AUH: variants seen among roughly 807,000 people sequenced by gnomAD.
AUH encodes the protein AU RNA binding methylglutaconyl-CoA hydratase.
A neutral mutation model predicts 42.3 loss-of-function variants in AUH; 29 were observed. The observed-to-expected ratio is 0.69, with a 90% CI of 0.51 to 0.93. The LOEUF is 0.93. Among genes scored for constraint, AUH ranks in the 40% least tolerant of loss-of-function variants. The pLI is 0.00. For synonymous variants in AUH, 174 were observed against 166.4 expected, an observed-to-expected ratio of 1.05 and a Z score of -0.35; for missense variants, 452 against 438.1, an observed-to-expected ratio of 1.03 and a Z score of -0.28.
chr9:91,334,357 T>G (rs1394333686), intron 3 of AUH, among the ~76,000 whole-genome samples: 1 of 132,702 alleles, frequency 7.5e-6, no homozygotes, highest in Non-Finnish European at 1.6e-5. Context: ...CCCATGTGGG[T>G]AGCCATCATC....
intron 6 of AUH, among the ~76,000 whole-genome samples, chr9:91,265,390 GCT>G (rs1239950643): frequency 6.7e-6 from 1 of 149,798 alleles, no homozygotes; most frequent in South Asian, 2.1e-4. Flanking sequence ...AAACCTAATA[GCT>G]CTTTTTTGTA....
chr9:91,313,999 C>T (rs1459516167), intron 4 of AUH, among the ~76,000 whole-genome samples: 1 of 151,740 alleles, frequency 6.6e-6, no homozygotes, highest in Non-Finnish European at 1.5e-5. Flanking sequence ...AATTTCTGTA[C>T]TTCGAGTAGA....
At chr9:91,358,425 G>A (rs1017777562) in intron 1 of AUH, among the ~76,000 whole-genome samples, 4 of 152,154 alleles carry the variant, frequency 2.6e-5, no homozygotes, top group South Asian at 4.2e-4. Context: ...CTAGCTATTC[G>A]GCAAGTTACT....
rs182057575 is a variant in AUH at position 91,347,537 on chromosome 9, C to G, written c.418+8346G>C. Among the ~76,000 whole-genome samples the G allele has an allele frequency of 2.2e-3, 334 of 152,160 alleles. 1 individual carries two copies. The highest frequency in any genetic ancestry group is 7.5e-3 in the African/African-American group (312 of 41,504). Reference sequence around the variant, plus strand: ...ATGGCTGCTTTTTCTGACAAGCTGCCCCCCCATCCTGAAGCTATCTAGGGT... The same window carrying G: ...ATGGCTGCTTTTTCTGACAAGCTGCGCCCCCATCCTGAAGCTATCTAGGGT... On this transcript the variant is annotated intron_variant, in intron 3 of 9. Coordinates refer to ENST00000375731, the MANE Select transcript of AUH (RefSeq NM_001698.3).
chr9:91,295,501 G>C (rs1283949991), intron 6 of AUH, among the ~76,000 whole-genome samples: 1 of 152,160 alleles, frequency 6.6e-6, no homozygotes, highest in Non-Finnish European at 1.5e-5. Context: ...GAAATCTCTT[G>C]TGAAAGGAAG....
chr9:91,235,618 G>A lies in AUH; in HGVS notation c.656-14626C>T, dbSNP rs139702722. On this transcript the variant is annotated intron_variant, in intron 6 of 9. Transcript: ENST00000375731. ...TAAGATCACTTAGGGAGACTGTTTA[G>A]ACAAATGTCAGCAAGACCTGGACAG... 1.5e-3 allele frequency among the ~76,000 whole-genome samples: 231 copies of A among 152,298 alleles called. 1 individual carries two copies. The highest frequency in any genetic ancestry group is 5.1e-3 in the African/African-American group (212 of 41,564).
chr9:91,234,180 G>A (rs916768379), intron 6 of AUH, among the ~76,000 whole-genome samples: 2 of 152,146 alleles, frequency 1.3e-5, no homozygotes, highest in African/African-American at 4.8e-5. Context: ...ATCAGCCTTG[G>A]ACAGTAGAGG....
chr9:91,350,626 G>A (rs932478205), intron 3 of AUH, among the ~76,000 whole-genome samples: 3 of 152,068 alleles, frequency 2.0e-5, no homozygotes, highest in African/African-American at 7.2e-5. Context: ...GGGCATTGCA[G>A]CAGGTGCCTG....
intron 4 of AUH, among the ~76,000 whole-genome samples, chr9:91,300,923 A>G (rs1195280346): frequency 2.0e-5 from 3 of 152,200 alleles, no homozygotes; most frequent in Non-Finnish European, 4.4e-5. Flanking sequence ...AACCTTTTCT[A>G]TCAGAACATT....
intron 6 of AUH, among the ~76,000 whole-genome samples, chr9:91,291,711 GAATA>G (rs1447823767): frequency 6.6e-6 from 1 of 152,058 alleles, no homozygotes; most frequent in Non-Finnish European, 1.5e-5. Flanking sequence ...CTACCTATCA[GAATA>G]AATACTCTTT....
chr9:91,330,792 G>A (rs1372002830), intron 3 of AUH, among the ~76,000 whole-genome samples: 2 of 152,178 alleles, frequency 1.3e-5, no homozygotes, highest in Non-Finnish European at 2.9e-5. Flanking sequence ...TATGTTCAAT[G>A]GAAGAGATCA....
intron 1 of AUH, among the ~76,000 whole-genome samples, chr9:91,358,906 A>T (rs1832639982): frequency 6.6e-6 from 1 of 152,214 alleles, no homozygotes; most frequent in Non-Finnish European, 1.5e-5. Flanking sequence ...ATAAAACCTT[A>T]GCTTTATTCA....
At chr9:91,280,935 T>A (rs1400595611) in intron 6 of AUH, among the ~76,000 whole-genome samples, 1 of 152,238 alleles carries the variant, frequency 6.6e-6, no homozygotes, top group Non-Finnish European at 1.5e-5. Flanking sequence ...CTGTGCATTT[T>A]CCTCTTTCAG....
rs1832401276 is a variant in AUH at position 91,356,151 on chromosome 9, A to G, written c.267T>C (p.Ile89=). ...AAGCTCTGTTTATTCCAAGCACCACAATTCCTAGTTAAAGGGGAAAAAAAG... is the reference window on the plus strand; with the variant it reads ...AAGCTCTGTTTATTCCAAGCACCACGATTCCTAGTTAAAGGGGAAAAAAAG... ...VRHLEEENRG[I]VVLGINRAYG... The change falls in exon 2 of 10, where the codon ATT becomes ATC. Residue 89 remains isoleucine, a synonymous_variant. Transcript: ENST00000375731. 6.2e-7 allele frequency: 1 copy of G among 1,613,544 alleles called. No individual in the cohort carries two copies. Among genetic ancestry groups the G allele is most frequent in the Non-Finnish European group, 8.5e-7 (1 of 1,179,644 alleles).
At position 91,355,971 on chromosome 9, in the gene AUH, C is replaced by A; in HGVS notation, c.331-1G>T. 6.2e-7 allele frequency: 1 copy of A among 1,611,210 alleles called. No individual in the cohort carries two copies. Among genetic ancestry groups the A allele is most frequent in the Non-Finnish European group, 8.5e-7 (1 of 1,178,420 alleles). Reference sequence around the variant, plus strand: ...TCAAAGCATCCACAGCTTTTGATAGCTAAACAGAAATAGGAAGCATAGGAG... The same window carrying A: ...TCAAAGCATCCACAGCTTTTGATAGATAAACAGAAATAGGAAGCATAGGAG... On this transcript the variant is annotated splice_acceptor_variant, in intron 2 of 9. Transcript: ENST00000375731. LOFTEE classifies it high-confidence loss of function.
At chr9:91,217,692 T>C (rs1001672122) in intron 7 of AUH, among the ~76,000 whole-genome samples, 3 of 152,204 alleles carry the variant, frequency 2.0e-5, no homozygotes, top group Admixed American at 6.5e-5. Context: ...ATTAGGGGTT[T>C]TGAAAGAAGC....
At chr9:91,313,401 T>TC (rs1031338583) in intron 4 of AUH, among the ~76,000 whole-genome samples, 4 of 152,090 alleles carry the variant, frequency 2.6e-5, no homozygotes, top group Non-Finnish European at 5.9e-5. Context: ...TAGAAGCTCT[T>TC]CTCTCAGAAA....
At chr9:91,301,219 G>A (rs1476361938) in intron 4 of AUH, among the ~76,000 whole-genome samples, 2 of 152,116 alleles carry the variant, frequency 1.3e-5, no homozygotes, top group Non-Finnish European at 2.9e-5. Flanking sequence ...TCCCTGCTAC[G>A]TAAGTGCTGA....
In AUH at chr9:91,214,024, C is replaced by A; in HGVS notation, c.*324G>T. 1 of 273,918 alleles carries A rather than the reference C, an allele frequency of 3.7e-6. No individual in the cohort carries two copies. The highest frequency in any genetic ancestry group is 7.1e-6 in the Non-Finnish European group (1 of 140,882). 17.0% of individuals were successfully genotyped at this position (273,918 alleles called of 1,614,324 possible). On this transcript the variant is annotated 3_prime_UTR_variant, in exon 10 of 10. Transcript: ENST00000375731. ...AGTAGACATACAATCAATATTATTC[C>A]CTAGAATGTGCAATATATAAATTAT...
Sources: gnomAD v4.1 joint callset for allele counts (sites outside exome capture counted in the v4.1 genomes callset) on GRCh38, gnomAD v4.1.1 for gene constraint, MANE v1.5 for transcripts, NCBI Gene and HGNC (gene_info 2026-07-23, HGNC 2026-07-21) for gene names.